Variants in CCL25 observed in about 807,000 individuals in gnomAD.
CCL25 encodes the protein C-C motif chemokine ligand 25, also known as C-C motif chemokine 25.
Under a neutral mutation model 19.9 loss-of-function variants are expected in CCL25, and 14 were observed. The observed-to-expected ratio is 0.70, with a 90% CI of 0.47 to 1.10. The LOEUF (loss-of-function observed/expected upper bound fraction) is 1.10, where lower values mean the gene tolerates loss of function less well. Ranked by LOEUF, CCL25 falls within the 50% of genes least tolerant of loss-of-function variation. CCL25 has a pLI of 0.00. For missense variants in CCL25, 151 were observed against 181.2 expected (o/e 0.83, Z 0.96); for synonymous variants, 68 against 73.2 (o/e 0.93, Z 0.36).
upstream of CCL25, among the ~76,000 whole-genome samples, chr19:8,052,543 C>A (rs1599225864): frequency 6.7e-6 from 1 of 150,246 alleles, no homozygotes; most frequent in Non-Finnish European, 1.5e-5. Flanking sequence ...GGGGAAAAGG[C>A]CCTTTCTGGA....
chr19:8,054,875 CAG>C (rs1346139884), intron 2 of CCL25, among the ~76,000 whole-genome samples: 1 of 151,702 alleles, frequency 6.6e-6, no homozygotes, highest in East Asian at 2.0e-4. Flanking sequence ...TTCATTGAGA[CAG>C]AGTTTTGCTA....
chr19:8,053,244 C>G, intron 2 of CCL25, 122 bp downstream of exon 2: 2 of 568,796 alleles, frequency 3.5e-6, no homozygotes, highest in Non-Finnish European at 6.0e-6. Context: ...TTCTCCCGCT[C>G]CTGACATGCA....
chr19:8,058,465 GTAAATATATAATATA>G (rs1217421082), intron 5 of CCL25, among the ~76,000 whole-genome samples: 3 of 69,898 alleles, frequency 4.3e-5, no homozygotes, highest in South Asian at 3.3e-4. Flanking sequence ...ATATATATAA[GTAAATATATAATATA>G]TAAATATATA....
At position 8,062,588 on chromosome 19, in the gene CCL25, ATGCCCCTCCCAGGC is replaced by A; in HGVS notation, c.*365_*378del. ...CTCCAAAACTCTGGTCAGTTCAAGG[ATGCCCCTCCCAGGC>A]TATGCTTTTCTATAACTTTTAAATA... is the stretch of plus-strand genomic sequence containing the variant. On this transcript the variant is annotated 3_prime_UTR_variant, in exon 6 of 6. Transcript: ENST00000315626. The A allele has an allele frequency of 3.8e-6, 1 of 260,084 alleles. No homozygotes were observed. Among genetic ancestry groups the A allele is most frequent in the Non-Finnish European group, 7.3e-6 (1 of 137,854 alleles). 16.1% of individuals were successfully genotyped at this position (260,084 alleles called of 1,614,324 possible).
At position 8,052,811 on chromosome 19, in the gene CCL25, C is replaced by T; in HGVS notation, c.-62C>T. On this transcript the variant is annotated 5_prime_UTR_variant, in exon 1 of 6. Coordinates refer to ENST00000315626, the MANE Select transcript of CCL25 (RefSeq NM_005624.4). Reference sequence around the variant, plus strand: ...CCGGCGGGCATCAGCTCCCTTGACCCAGTGGATATCGGTGAGTCTTTTCCT... The same window carrying T: ...CCGGCGGGCATCAGCTCCCTTGACCTAGTGGATATCGGTGAGTCTTTTCCT... 2.1e-6 allele frequency: 1 copy of T among 484,012 alleles called. No homozygotes were observed. Among genetic ancestry groups the T allele is most frequent in the Non-Finnish European group, 3.7e-6 (1 of 272,266 alleles). 30.0% of individuals were successfully genotyped at this position (484,012 alleles called of 1,614,324 possible). A position where few individuals can be genotyped will look rare whatever the true frequency, so the allele number is the denominator to read the frequency against.
At position 8,062,387 on chromosome 19, in the gene CCL25, GC is replaced by G. The variant is rs1378935143; in HGVS notation, c.*165del. On this transcript the variant is annotated 3_prime_UTR_variant, in exon 6 of 6. Transcript: ENST00000315626. ...TCCCTCTGCACCCCCACCACCTCCT[GC>G]CCGTCTGGCAACTGGAAAGAGGGAG... The G allele has an allele frequency of 2.1e-4, 143 of 688,956 alleles. 2 individuals carry two copies. In the African/African-American group the frequency reaches 2.3e-3, roughly 11 times the overall value. The allele number at this position is 688,956 out of a possible 1,614,324, so 42.7% of individuals were successfully genotyped here.
intron 2 of CCL25, among the ~76,000 whole-genome samples, chr19:8,054,400 G>A (rs1046926076): frequency 2.0e-5 from 3 of 152,194 alleles, no homozygotes; most frequent in Non-Finnish European, 4.4e-5. Context: ...AACAGAATGC[G>A]CTGCCCCTTG....
intron 5 of CCL25, among the ~76,000 whole-genome samples, chr19:8,059,160 A>AAATATATATTATATAATATATAAT: frequency 3.0e-5 from 1 of 33,284 alleles, no homozygotes; most frequent in Non-Finnish European, 5.6e-5. Context: ...TAATATATAT[A>AAATATATATTATATAATATATAAT]ATATATAATA....
In CCL25 at chr19:8,057,844, G is replaced by A. The variant is rs1415261100; in HGVS notation, c.369G>A (p.Lys123=). 2 of 1,613,568 alleles carry A rather than the reference G, an allele frequency of 1.2e-6. No homozygotes were observed. Among genetic ancestry groups the A allele is most frequent in the East Asian group, 2.2e-5 (1 of 44,836 alleles). The part of the protein sequence containing the change: ...AVKKLSSGNS[K]LSSSKFSNPI... ...AGAAGTTGAGTTCTGGAAACTCCAA[G>A]TTATCATCGTCCAAGTTTAGCAATC... is the stretch of plus-strand genomic sequence containing the variant. The change falls in exon 5 of 6, where the codon AAG becomes AAA. Residue 123 remains lysine (K), a synonymous_variant. Transcript: ENST00000315626.
chr19:8,054,684 AC>A (rs1462291035), intron 2 of CCL25, among the ~76,000 whole-genome samples: 2 of 130,468 alleles, frequency 1.5e-5, no homozygotes, highest in Non-Finnish European at 3.3e-5. Context: ...GGCACCCCCC[AC>A]AGTGCCTGTG....
At chr19:8,056,301 G>GC in intron 3 of CCL25, 32 bp downstream of exon 3, 1 of 549,148 alleles carries the variant, frequency 1.8e-6, no homozygotes, top group South Asian at 1.4e-5. Flanking sequence ...GGGGGGGTGG[G>GC]GTGCACACAC....
Position 8,062,309 on chromosome 19 carries a change from C to T in CCL25, c.*84C>T. 6.8e-7 allele frequency: 1 copy of T among 1,468,720 alleles called. No individual in the cohort carries two copies. The allele number at this position is 1,468,720 out of a possible 1,614,324, so 91.0% of individuals were successfully genotyped here. ...CCGTCGCCCTACAGACCCAGCTGTCCCCACGCCTCTGTCTTTTGGGTCAAG... is the reference window on the plus strand; with the variant it reads ...CCGTCGCCCTACAGACCCAGCTGTCTCCACGCCTCTGTCTTTTGGGTCAAG... On this transcript the variant is annotated 3_prime_UTR_variant, in exon 6 of 6. Coordinates refer to ENST00000315626, the MANE Select transcript of CCL25 (RefSeq NM_005624.4).
intron 2 of CCL25, among the ~76,000 whole-genome samples, chr19:8,055,404 C>T (rs1277964262): frequency 6.6e-6 from 1 of 150,388 alleles, no homozygotes; most frequent in Admixed American, 6.6e-5. Flanking sequence ...GGCGCGATCT[C>T]GGCTCACTGC....
intron 5 of CCL25, among the ~76,000 whole-genome samples, chr19:8,061,431 C>T (rs2081317214): frequency 6.6e-6 from 1 of 152,202 alleles, no homozygotes; most frequent in African/African-American, 2.4e-5. Context: ...AGGCGTGAGC[C>T]ACCATGCCCA....
At position 8,062,226 on chromosome 19, in the gene CCL25, G is replaced by A. The variant is rs2081323185; in HGVS notation, c.*1G>A. ...TCTCATTGCTTCTGCAGGACTGTGA[G>A]CCGGCTCATTTCTGGGCTCCATCGG... On this transcript the variant is annotated 3_prime_UTR_variant, in exon 6 of 6. Coordinates refer to ENST00000315626, the MANE Select transcript of CCL25 (RefSeq NM_005624.4). 2 of 1,612,956 alleles carry A rather than the reference G, an allele frequency of 1.2e-6. No homozygotes were observed. Among genetic ancestry groups the A allele is most frequent in the South Asian group, 1.1e-5 (1 of 91,008 alleles).
At chr19:8,053,470 C>T (rs1055146421) in intron 2 of CCL25, among the ~76,000 whole-genome samples, 3 of 151,954 alleles carry the variant, frequency 2.0e-5, no homozygotes, top group South Asian at 4.1e-4. Flanking sequence ...GAGATCAGGG[C>T]CCTGGAGACT....
At chr19:8,058,001 G>C in intron 5 of CCL25, 81 bp downstream of exon 5, 1 of 1,544,460 alleles carries the variant, frequency 6.5e-7, no homozygotes, top group Non-Finnish European at 8.7e-7. Context: ...CTCACACTGG[G>C]ACAGGAGATT....
chr19:8,058,648 AAT>A (rs1160429217), intron 5 of CCL25, among the ~76,000 whole-genome samples: 1 of 130,584 alleles, frequency 7.7e-6, no homozygotes, highest in East Asian at 2.0e-4. Context: ...ATAATATATA[AAT>A]ATATATATTT....
chr19:8,059,453 C>T (rs2081303272), intron 5 of CCL25, among the ~76,000 whole-genome samples: 1 of 151,794 alleles, frequency 6.6e-6, no homozygotes, highest in Middle Eastern at 3.4e-3. Flanking sequence ...CCCACCTCGG[C>T]CCCCCAAAGT....
Sources: allele counts gnomAD v4.1 joint callset (sites outside exome capture counted in the v4.1 genomes callset), GRCh38; gene constraint gnomAD v4.1.1; transcripts MANE v1.5; gene names NCBI Gene and HGNC (gene_info 2026-07-23, HGNC 2026-07-21).